The following AEBP2 variants were observed in gnomAD, a reference collection of about 807,000 sequenced individuals.
AEBP2 encodes AE binding protein 2.
In AEBP2, 10 loss-of-function variants were observed where a neutral mutation model predicts 50.8. The observed-to-expected ratio is 0.20, with a 90% CI of 0.12 to 0.33. The LOEUF is 0.33. Ranked by LOEUF, AEBP2 falls within the 10% of genes least tolerant of loss-of-function variation. AEBP2 has a pLI of 1.00. For missense variants in AEBP2, 570 were observed against 688.0 expected (o/e 0.83, Z 1.92); for synonymous variants, 296 against 261.3 (o/e 1.13, Z -1.28).
At chr12:19,417,750 G>T (rs1216974885) in intron 1 of AEBP2, among the ~76,000 whole-genome samples, 1 of 151,168 alleles carries the variant, frequency 6.6e-6, no homozygotes, top group African/African-American at 2.4e-5. Context: ...TGTTGCTTAG[G>T]CTGGAGTGCA....
intron 1 of AEBP2, among the ~76,000 whole-genome samples, chr12:19,444,052 T>C (rs1050922895): frequency 6.6e-6 from 1 of 152,184 alleles, no homozygotes; most frequent in Admixed American, 6.5e-5. Flanking sequence ...CGCTAAAAAC[T>C]AGCTTTTCTT....
At chr12:19,458,735 A>C (rs1237718284) in intron 1 of AEBP2, among the ~76,000 whole-genome samples, 1 of 152,208 alleles carries the variant, frequency 6.6e-6, no homozygotes, top group African/African-American at 2.4e-5. Flanking sequence ...TGTCCAGTTA[A>C]AAAAAATCGA....
At chr12:19,471,930 C>T (rs1948579576) in intron 2 of AEBP2, among the ~76,000 whole-genome samples, 1 of 151,994 alleles carries the variant, frequency 6.6e-6, no homozygotes, top group South Asian at 2.1e-4. Flanking sequence ...TAAACATGTT[C>T]TAGGGTTGGG....
chr12:19,438,419 A>G (rs946767620), upstream of AEBP2, among the ~76,000 whole-genome samples: 6 of 152,210 alleles, frequency 3.9e-5, no homozygotes, highest in Non-Finnish European at 5.9e-5. Flanking sequence ...CAACACTTAT[A>G]TCCATGGAAT....
rs369578496 is a variant in AEBP2 at position 19,461,670 on chromosome 12, C to T, written c.672-840C>T. Among the ~76,000 whole-genome samples the T allele has an allele frequency of 3.9e-5, 6 of 151,978 alleles. No homozygotes were observed. In the East Asian group the frequency reaches 5.8e-4, roughly 15 times the overall value. On this transcript the variant is annotated intron_variant, in intron 1 of 7. Transcript: ENST00000266508. Reference sequence around the variant, plus strand: ...GATTACAGGCACCTGCCACCACACCCGGATAATTTTTTGTATTTTTAGTAG... The same window carrying T: ...GATTACAGGCACCTGCCACCACACCTGGATAATTTTTTGTATTTTTAGTAG...
rs979447758 is a variant in AEBP2, at chr12:19,417,277, G to A, written c.-17+13061G>A. 7.9e-5 allele frequency among the ~76,000 whole-genome samples: 12 copies of A among 152,064 alleles called. 1 individual carries two copies. Among genetic ancestry groups the A allele is most frequent in the African/African-American group, 2.4e-4 (10 of 41,414 alleles). On this transcript the variant is annotated intron_variant, in intron 1 of 3. Coordinates refer to the AEBP2 transcript ENST00000538425. ...TACCTAGATCTTCTAAATACACGCC[G>A]TACAACTTTCTTTTCTTTGAAACAT...
At chr12:19,479,716 G>GTTTTTT (rs1565723172) in intron 3 of AEBP2, among the ~76,000 whole-genome samples, 1 of 29,894 alleles carries the variant, frequency 3.3e-5, no homozygotes, top group Non-Finnish European at 8.0e-5. Context: ...CCTCTTTGTG[G>GTTTTTT]GTTTTTTTTT....
At chr12:19,415,341 AAAAAAAAAAAT>A (rs2095741811) in intron 1 of AEBP2, among the ~76,000 whole-genome samples, 2 of 50,984 alleles carry the variant, frequency 3.9e-5, no homozygotes, top group Non-Finnish European at 7.1e-5. Context: ...AAAAAAAAAA[AAAAAAAAAAAT>A]ATATATATAT....
Position 19,453,323 on chromosome 12 carries a change from G to T in AEBP2, c.672-9187G>T, listed in dbSNP as rs146564420. ...TGTAGAGATGGGGTCTTGTCATGTTGCCCAGGCTGGTCTCGAACTCTTGGC... is the reference window on the plus strand; with the variant it reads ...TGTAGAGATGGGGTCTTGTCATGTTTCCCAGGCTGGTCTCGAACTCTTGGC... On this transcript the variant is annotated intron_variant, in intron 1 of 7. Coordinates refer to ENST00000266508, the MANE Select transcript of AEBP2 (RefSeq NM_153207.5). Among the ~76,000 whole-genome samples the T allele has an allele frequency of 1.6e-3, 249 of 151,826 alleles. 1 individual carries two copies. Among genetic ancestry groups the T allele is most frequent in the African/African-American group, 5.8e-3 (239 of 41,390 alleles).
At chr12:19,513,174 A>G (rs1012955094) in intron 6 of AEBP2, among the ~76,000 whole-genome samples, 9 of 152,130 alleles carry the variant, frequency 5.9e-5, no homozygotes, top group Non-Finnish European at 1.2e-4. Flanking sequence ...CCTTTGTTTG[A>G]ATCTTTTATT....
At chr12:19,423,861 A>G (rs2095747131) in intron 1 of AEBP2, among the ~76,000 whole-genome samples, 1 of 152,198 alleles carries the variant, frequency 6.6e-6, no homozygotes, top group Admixed American at 6.5e-5. Flanking sequence ...AAATAAATGA[A>G]TAAATAAAAA....
chr12:19,409,589 G>T (rs915115288), intron 1 of AEBP2, among the ~76,000 whole-genome samples: 2 of 152,156 alleles, frequency 1.3e-5, no homozygotes, highest in Non-Finnish European at 1.5e-5. Context: ...AAGTTCACCA[G>T]CCGTGGGGGG....
intron 1 of AEBP2, among the ~76,000 whole-genome samples, chr12:19,459,409 T>TTA (rs1948331667): frequency 6.6e-6 from 1 of 152,010 alleles, no homozygotes; most frequent in Non-Finnish European, 1.5e-5. Flanking sequence ...TTTTTTGTGT[T>TTA]TTTAATAGAG....
At chr12:19,418,019 A>C (rs999956523) in intron 1 of AEBP2, among the ~76,000 whole-genome samples, 1 of 152,084 alleles carries the variant, frequency 6.6e-6, no homozygotes, top group Non-Finnish European at 1.5e-5. Context: ...CTCTATTAAC[A>C]CAACTAGATC....
chr12:19,465,671 A>G (rs1453282856), intron 2 of AEBP2, among the ~76,000 whole-genome samples: 1 of 152,118 alleles, frequency 6.6e-6, no homozygotes, highest in African/African-American at 2.4e-5. Flanking sequence ...AGATTACAAT[A>G]GACTATGTGT....
intron 1 of AEBP2, among the ~76,000 whole-genome samples, chr12:19,417,105 T>C (rs1287506207): frequency 6.6e-6 from 1 of 150,526 alleles, no homozygotes; most frequent in African/African-American, 2.4e-5. Flanking sequence ...TCTCCTGATC[T>C]CATGATCCGG....
At chr12:19,442,445 T>A (rs1020459632) in intron 1 of AEBP2, among the ~76,000 whole-genome samples, 2 of 152,172 alleles carry the variant, frequency 1.3e-5, no homozygotes, top group African/African-American at 4.8e-5. Context: ...AGTTTTGTTT[T>A]TAGTTAGTGT....
chr12:19,484,847 CTAAT>C (rs1948784743), intron 3 of AEBP2, among the ~76,000 whole-genome samples: 2 of 151,816 alleles, frequency 1.3e-5, no homozygotes, highest in Admixed American at 6.6e-5. Context: ...AATCAATGGT[CTAAT>C]TAATTTTCTG....
intron 1 of AEBP2, among the ~76,000 whole-genome samples, chr12:19,419,687 T>C (rs1262153359): frequency 6.6e-6 from 1 of 152,010 alleles, no homozygotes; most frequent in Non-Finnish European, 1.5e-5. Flanking sequence ...CCCAGCACTT[T>C]GGGAGGCCGA....
Sources: gnomAD v4.1 joint callset for allele counts (sites outside exome capture counted in the v4.1 genomes callset) on GRCh38, gnomAD v4.1.1 for gene constraint, MANE v1.5 for transcripts, NCBI Gene and HGNC (gene_info 2026-07-23, HGNC 2026-07-21) for gene names.